Variants in COLEC10 observed in about 807,000 individuals in gnomAD.
COLEC10 encodes the protein collectin-10.
Under a neutral mutation model 28.4 loss-of-function variants are expected in COLEC10, and 22 were observed. The observed-to-expected ratio is 0.78, with a 90% CI of 0.55 to 1.11. The LOEUF is 1.11. COLEC10 is among the 50% of genes least tolerant of loss of function. The pLI, the probability that COLEC10 is intolerant of heterozygous loss-of-function variation, is 0.00. For synonymous variants in COLEC10, 125 were observed against 116.1 expected (o/e 1.08, Z -0.49); for missense variants, 361 against 344.1 (o/e 1.05, Z -0.39).
At chr8:119,003,192 C>T (rs1813732479) in intron 1 of COLEC10, among the ~76,000 whole-genome samples, 1 of 152,156 alleles carries the variant, frequency 6.6e-6, no homozygotes, top group East Asian at 1.9e-4. Context: ...CTATGTTTTT[C>T]AACTACTTTT....
chr8:119,041,979 G>A (rs1814506501), intron 2 of COLEC10, among the ~76,000 whole-genome samples: 1 of 151,918 alleles, frequency 6.6e-6, no homozygotes. Context: ...CAGGAGGTAG[G>A]GGGAAGCAAT....
At chr8:119,094,724 A>C (rs959484811) in intron 3 of COLEC10, among the ~76,000 whole-genome samples, 2 of 152,210 alleles carry the variant, frequency 1.3e-5, no homozygotes, top group African/African-American at 4.8e-5. Context: ...GGAATGGCCC[A>C]GGAAATGCCC....
chr8:119,099,905 C>A (rs1026592709), intron 3 of COLEC10, among the ~76,000 whole-genome samples: 1 of 152,078 alleles, frequency 6.6e-6, no homozygotes, highest in Non-Finnish European at 1.5e-5. Context: ...GTCATTTTCC[C>A]AAGGCACTTG....
chr8:119,090,579 T>C (rs1291751157), intron 2 of COLEC10, among the ~76,000 whole-genome samples: 1 of 152,224 alleles, frequency 6.6e-6, no homozygotes, highest in African/African-American at 2.4e-5. Flanking sequence ...AGATTTTTAA[T>C]TGGCAAATAT....
In COLEC10 at chr8:119,098,108, C is replaced by T. The variant is rs564365598; in HGVS notation, c.293-4240C>T. On this transcript the variant is annotated intron_variant, in intron 3 of 5. Transcript: ENST00000332843. ...GTTTCTTAGGCTATATTTTTGAGAG[C>T]AGTGAACTTCATTTTTTAATGGTCA... Among the ~76,000 whole-genome samples, 50 of 152,066 alleles carry T rather than the reference C, an allele frequency of 3.3e-4. 1 individual carries two copies. The highest frequency in any genetic ancestry group is 3.4e-3 in the Middle Eastern group (1 of 294).
the COLEC10 span, among the ~76,000 whole-genome samples, chr8:118,956,313 A>C: frequency 6.6e-6 from 1 of 152,228 alleles, no homozygotes; most frequent in African/African-American, 2.4e-5. Flanking sequence ...TGACATGATC[A>C]TTTAAGCTGT....
chr8:118,981,551 TA>T, the COLEC10 span, among the ~76,000 whole-genome samples: 1 of 152,238 alleles, frequency 6.6e-6, no homozygotes, highest in Admixed American at 6.5e-5. Flanking sequence ...TAACCTTGGG[TA>T]AAAATGAGAT....
chr8:119,013,854 G>A lies in COLEC10; in HGVS notation n.235+4301G>A, dbSNP rs187858311. On this transcript the variant is annotated intron_variant and non_coding_transcript_variant, in intron 2 of 6. Coordinates refer to the COLEC10 transcript ENST00000521788. ...CCATCTATTTACTTTTAATCTTTAT[G>A]TATCTTTATGCCTAAAGTTTGTAAT... 5.4e-4 allele frequency among the ~76,000 whole-genome samples: 81 copies of A among 150,740 alleles called. 1 individual carries two copies. Among genetic ancestry groups the A allele is most frequent in the Non-Finnish European group, 8.1e-4 (55 of 67,852 alleles).
chr8:118,983,765 A>T, the COLEC10 span, among the ~76,000 whole-genome samples: 1 of 152,190 alleles, frequency 6.6e-6, no homozygotes, highest in African/African-American at 2.4e-5. Flanking sequence ...AGGTAAATGC[A>T]AATCAAAACC....
chr8:119,024,942 C>T (rs1029866381), intron 2 of COLEC10, among the ~76,000 whole-genome samples: 4 of 151,968 alleles, frequency 2.6e-5, no homozygotes, highest in Non-Finnish European at 5.9e-5. Context: ...AGAAGAGATC[C>T]GGGCAAGATA....
chr8:119,018,705 T>C (rs767944059), intron 2 of COLEC10, among the ~76,000 whole-genome samples: 13 of 152,150 alleles, frequency 8.5e-5, no homozygotes, highest in Admixed American at 1.3e-4. Context: ...CTATGAAGAG[T>C]ATAATACAAA....
intron 3 of COLEC10, among the ~76,000 whole-genome samples, chr8:119,093,546 C>G (rs577965286): frequency 2.6e-5 from 4 of 152,092 alleles, no homozygotes; most frequent in African/African-American, 9.7e-5. Flanking sequence ...CAGTCCTTCC[C>G]AAGATGCTGA....
chr8:119,089,420 G>A (rs1012563143), intron 1 of COLEC10, among the ~76,000 whole-genome samples: 1 of 152,112 alleles, frequency 6.6e-6, no homozygotes, highest in African/African-American at 2.4e-5. Context: ...GATTTGTCAG[G>A]CCAAACATCA....
chr8:118,992,162 G>A (rs1813514808), upstream of COLEC10, among the ~76,000 whole-genome samples: 1 of 151,998 alleles, frequency 6.6e-6, no homozygotes, highest in African/African-American at 2.4e-5. Context: ...ACATGTAAAG[G>A]TCTATATCGG....
chr8:119,041,026 CAG>C (rs1163252182), intron 2 of COLEC10, among the ~76,000 whole-genome samples: 1 of 152,220 alleles, frequency 6.6e-6, no homozygotes, highest in African/African-American at 2.4e-5. Context: ...GTCCCAATCA[CAG>C]GGGATTTTAG....
At chr8:119,046,196 T>C (rs1814585705) in intron 2 of COLEC10, among the ~76,000 whole-genome samples, 1 of 152,198 alleles carries the variant, frequency 6.6e-6, no homozygotes, top group African/African-American at 2.4e-5. Flanking sequence ...AATCATGCAG[T>C]TGTATAACTT....
intron 2 of COLEC10, among the ~76,000 whole-genome samples, chr8:119,045,395 A>G (rs1239916420): frequency 6.6e-6 from 1 of 152,214 alleles, no homozygotes; most frequent in Non-Finnish European, 1.5e-5. Flanking sequence ...CTTTCTCCCC[A>G]ACTGGTTCAG....
chr8:119,106,095 G>A lies in COLEC10; in HGVS notation c.738G>A (p.Glu246=). 3 of 1,613,850 alleles carry A rather than the reference G, an allele frequency of 1.9e-6. No homozygotes were observed. The highest frequency in any genetic ancestry group is 2.5e-6 in the Non-Finnish European group (3 of 1,179,836). The part of the protein sequence containing the change: ...EGEPSDPYGH[E]DCVEMLSSGR... ...AACCCAGCGACCCCTATGGTCATGA[G>A]GACTGTGTGGAGATGCTGAGCTCTG... Residue 246 remains glutamate (E), a synonymous_variant, in exon 6 of 6, where the codon GAG becomes GAA. Coordinates refer to ENST00000332843, the MANE Select transcript of COLEC10 (RefSeq NM_006438.5).
chr8:119,018,380 C>T (rs768603199), intron 2 of COLEC10, among the ~76,000 whole-genome samples: 33 of 152,130 alleles, frequency 2.2e-4, no homozygotes, highest in Admixed American at 7.9e-4. Context: ...GTTCTTTCTT[C>T]CTGTACTCTT....
Sources: allele counts gnomAD v4.1 joint callset (sites outside exome capture counted in the v4.1 genomes callset), GRCh38; gene constraint gnomAD v4.1.1; transcripts MANE v1.5; gene names NCBI Gene and HGNC (gene_info 2026-07-23, HGNC 2026-07-21).